Variants in VWF observed in about 807,000 individuals in gnomAD.
The protein encoded by VWF is Factor VIII related antigen.
VWF carries 176 observed loss-of-function variants against 308.6 expected under a neutral mutation model. The ratio of observed to expected loss-of-function variants is 0.57; its 90% CI spans 0.50 to 0.65. The LOEUF is 0.65. Ranked by LOEUF, VWF falls within the 30% of genes least tolerant of loss-of-function variation. The pLI, the probability that VWF is intolerant of heterozygous loss-of-function variation, is 0.00. For missense variants in VWF, 3,146 were observed against 3,648.2 expected (o/e 0.86, Z 3.55); for synonymous variants, 1,385 against 1,443.4 (o/e 0.96, Z 0.92).
intron 6 of VWF, among the ~76,000 whole-genome samples, chr12:6,079,450 C>CA (rs5796207): frequency 0.18 from 26,561 of 149,228 alleles, 2,642 homozygotes; most frequent in East Asian, 0.43. Flanking sequence ...ACTAAAAATA[C>CA]AAAAAAAAAA....
chr12:5,961,868 G>A (rs114318170), intron 47 of VWF, among the ~76,000 whole-genome samples: 4,700 of 152,044 alleles, frequency 0.031, 238 homozygotes, highest in African/African-American at 0.11. Context: ...CCTATGTTGG[G>A]ATTTAAACTC....
At chr12:6,013,108 A>G (rs1944016832) in intron 32 of VWF, among the ~76,000 whole-genome samples, 1 of 152,080 alleles carries the variant, frequency 6.6e-6, no homozygotes, top group Admixed American at 6.5e-5. Flanking sequence ...CCATGTTGAG[A>G]GTTAGTCTAG....
Position 6,031,566 on chromosome 12 carries a change from T to C in VWF, c.2698A>G (p.Ser900Gly), listed in dbSNP as rs780411422. 1 of 1,614,156 alleles carries C rather than the reference T, an allele frequency of 6.2e-7. No homozygotes were observed. Among genetic ancestry groups the C allele is most frequent in the Non-Finnish European group, 8.5e-7 (1 of 1,180,018 alleles). ...AGGATCCGAAAGGTCCCAGGGTTACTGCCGCAGTAATCCTGGGGAAAGAGG... is the reference window on the plus strand; with the variant it reads ...AGGATCCGAAAGGTCCCAGGGTTACCGCCGCAGTAATCCTGGGGAAAGAGG... ...QYVLVQDYCG[S>G]NPGTFRILVG... Residue 900 changes from serine (S) to glycine (G), a missense_variant, in exon 21 of 52, where the codon AGT becomes GGT. Ser to Gly is a moderately conservative substitution (Grantham distance 56, BLOSUM62 0). Around this residue, in one of 3 missense-constraint regions of VWF, gnomAD observed 1,304 missense variants for 1,353.0 expected, o/e 0.96. Transcript: ENST00000261405.
intron 6 of VWF, among the ~76,000 whole-genome samples, chr12:6,085,915 A>T (rs531190403): frequency 6.6e-6 from 1 of 152,306 alleles, no homozygotes; most frequent in East Asian, 1.9e-4. Context: ...AAAAATTTTT[A>T]AAGGCCAAGT....
intron 50 of VWF, among the ~76,000 whole-genome samples, chr12:5,951,568 A>G (rs1943191275): frequency 6.6e-6 from 1 of 152,196 alleles, no homozygotes; most frequent in African/African-American, 2.4e-5. Context: ...AGCTGGAGAC[A>G]GGAGGGAGTT....
intron 18 of VWF, among the ~76,000 whole-genome samples, chr12:6,040,068 C>T (rs568849966): frequency 1.2e-4 from 19 of 152,246 alleles, no homozygotes; most frequent in African/African-American, 4.1e-4. Flanking sequence ...AGTCTCCTCC[C>T]GTGTGATAGA....
chr12:5,949,899 G>A lies in VWF; in HGVS notation c.8156-16C>T, dbSNP rs374507722. The stretch of plus-strand genomic sequence containing the variant: ...GGCTCCTCACCTACAGGACAGGTGA[G>A]AGATGAAACTTGAGGACTGGCTGGG... On this transcript the variant is annotated splice_polypyrimidine_tract_variant and intron_variant, in intron 50 of 51. Transcript: ENST00000261405. The A allele has an allele frequency of 1.2e-6, 2 of 1,611,124 alleles. No individual in the cohort carries two copies. Among genetic ancestry groups the A allele is most frequent in the South Asian group, 2.2e-5 (2 of 91,056 alleles).
rs201213029 is a variant in VWF, at chr12:5,969,315, A to T, written c.7625T>A (p.Ile2542Lys). ...ECVRVKEEVF[I>K]QQRNVSCPQL... ...GGGGCAGGAGACGTTCCTTTGTTGTATAAAGACCTCCTCCTTCACTCGGAC... is the reference window on the plus strand; with the variant it reads ...GGGGCAGGAGACGTTCCTTTGTTGTTTAAAGACCTCCTCCTTCACTCGGAC... Residue 2542 changes from isoleucine to lysine, a missense_variant, in exon 45 of 52, where the codon ATA (isoleucine) becomes AAA (lysine). Ile to Lys is a moderately radical substitution (Grantham distance 102). Transcript: ENST00000261405. 10 of 1,614,068 alleles carry T rather than the reference A, an allele frequency of 6.2e-6. No homozygotes were observed. In the African/African-American group the frequency reaches 6.7e-5, roughly 11 times the overall value.
Position 6,075,151 on chromosome 12 carries a change from C to T in VWF, c.874+184G>A, listed in dbSNP as rs551596901. Among the ~76,000 whole-genome samples, 18 of 152,056 alleles carry T rather than the reference C, an allele frequency of 1.2e-4. No homozygotes were observed. The South Asian group carries it at 1.5e-3, about 12-fold the overall frequency. On this transcript the variant is annotated intron_variant, in intron 7 of 51. Transcript: ENST00000261405. This position sits in a 1 kb window ranked among gnomAD's most constrained non-coding sequence, Gnocchi z 4.7. ...GCAGGACACGGGGCTTTGGGAAGCC[C>T]GTTTGACAGAGGGCAGGAGCCATTC...
At chr12:5,978,657 GAAGTA>G (rs1003777268) in intron 42 of VWF, among the ~76,000 whole-genome samples, 10 of 152,122 alleles carry the variant, frequency 6.6e-5, no homozygotes, top group African/African-American at 2.2e-4. Context: ...AAAAATCAAG[GAAGTA>G]AAGTCCTGTA....
chr12:6,066,112 C>A (rs1301410534), intron 10 of VWF, among the ~76,000 whole-genome samples: 1 of 152,180 alleles, frequency 6.6e-6, no homozygotes, highest in East Asian at 1.9e-4. Context: ...CTCAGCTTGT[C>A]CCCACCCTAA....
chr12:6,090,176 C>T (rs1293721468), intron 6 of VWF, among the ~76,000 whole-genome samples: 2 of 152,140 alleles, frequency 1.3e-5, no homozygotes, highest in African/African-American at 2.4e-5. Flanking sequence ...CCAGGATGGT[C>T]TCAATCTCCT....
chr12:6,007,734 G>A (rs1478528377), intron 34 of VWF, among the ~76,000 whole-genome samples: 2 of 151,988 alleles, frequency 1.3e-5, no homozygotes, highest in Non-Finnish European at 2.9e-5. Flanking sequence ...ATGAAATATA[G>A]AATACAAAAT....
At chr12:6,117,880 A>G (rs1278270784) in intron 3 of VWF, among the ~76,000 whole-genome samples, 2 of 152,202 alleles carry the variant, frequency 1.3e-5, no homozygotes, top group Middle Eastern at 3.2e-3. Context: ...CACTCAGTGA[A>G]GAGGGAGAGC....
At chr12:6,098,715 C>T (rs1266352640) in intron 5 of VWF, among the ~76,000 whole-genome samples, 1 of 151,706 alleles carries the variant, frequency 6.6e-6, no homozygotes, top group Admixed American at 6.6e-5. Context: ...GGAGGCGGAC[C>T]TTGCAGTGAG....
At chr12:6,012,703 A>ATT (rs148790795) in intron 32 of VWF, among the ~76,000 whole-genome samples, 5 of 130,814 alleles carry the variant, frequency 3.8e-5, no homozygotes, top group African/African-American at 1.5e-4. Context: ...GTGTGTGTGT[A>ATT]TTTTTTTTTT....
At chr12:6,117,317 C>A (rs1209353432) in intron 3 of VWF, among the ~76,000 whole-genome samples, 2 of 152,170 alleles carry the variant, frequency 1.3e-5, no homozygotes, top group Non-Finnish European at 2.9e-5. Flanking sequence ...CCACTGAAAC[C>A]CAGAAAACGG....
At chr12:5,965,945 G>A (rs1050549008) in intron 47 of VWF, among the ~76,000 whole-genome samples, 2 of 152,190 alleles carry the variant, frequency 1.3e-5, no homozygotes, top group Admixed American at 6.5e-5. Context: ...AGAATACACA[G>A]GCCAAATGGG....
chr12:6,097,201 C>T (rs975270801), intron 5 of VWF, among the ~76,000 whole-genome samples: 2 of 152,064 alleles, frequency 1.3e-5, no homozygotes, highest in Non-Finnish European at 2.9e-5. Flanking sequence ...CTTTGGGAGG[C>T]CAAGGAGGGT....
Sources: allele counts gnomAD v4.1 joint callset (sites outside exome capture counted in the v4.1 genomes callset), GRCh38; gene constraint gnomAD v4.1.1; regional missense constraint gnomAD v4.1.1; non-coding constraint Gnocchi (gnomAD v3.1); transcripts MANE v1.5; gene names NCBI Gene and HGNC (gene_info 2026-07-23, HGNC 2026-07-21).